The following RYK variants were observed in gnomAD, a reference collection of about 807,000 sequenced individuals.
The protein encoded by RYK is inactive tyrosine-protein kinase RYK.
A neutral mutation model predicts 70.2 loss-of-function variants in RYK; 21 were observed. The observed-to-expected ratio is 0.30, with a 90% confidence interval of 0.21 to 0.43. The LOEUF (loss-of-function observed/expected upper bound fraction) is 0.43. Ranked by LOEUF, RYK falls within the 20% of genes least tolerant of loss-of-function variation. The pLI, the probability that RYK is intolerant of heterozygous loss-of-function variation, is 1.00. For synonymous variants in RYK, 267 were observed against 278.0 expected, an observed-to-expected ratio of 0.96 and a Z score of 0.39; for missense variants, 604 against 753.3, an observed-to-expected ratio of 0.80 and a Z score of 2.32.
intron 5 of RYK, among the ~76,000 whole-genome samples, chr3:134,204,163 T>G (rs573114913): frequency 1.7e-4 from 26 of 152,292 alleles, no homozygotes; most frequent in Admixed American, 7.2e-4. Context: ...AAGGCTCTAT[T>G]CATTAAATAA....
At chr3:134,250,108 A>G (rs1331440803) in intron 1 of RYK, among the ~76,000 whole-genome samples, 3 of 152,070 alleles carry the variant, frequency 2.0e-5, no homozygotes, top group African/African-American at 7.2e-5. Context: ...AAGGAAAAAA[A>G]GTTGTAAGGG....
intron 13 of RYK, among the ~76,000 whole-genome samples, chr3:134,169,636 A>G (rs894217551): frequency 6.6e-6 from 1 of 152,226 alleles, no homozygotes; most frequent in Non-Finnish European, 1.5e-5. Context: ...AAAATTCTGA[A>G]AACACAGCCC....
chr3:134,199,068 T>C (rs1035627514), intron 6 of RYK, among the ~76,000 whole-genome samples: 1 of 152,106 alleles, frequency 6.6e-6, no homozygotes, highest in Admixed American at 6.5e-5. Flanking sequence ...TCAGGGTGAA[T>C]GTAAAGAGAA....
At chr3:134,169,104 G>A (rs76893428) in intron 13 of RYK, among the ~76,000 whole-genome samples, 13,609 of 152,200 alleles carry the variant, frequency 0.089, 1,244 homozygotes, top group South Asian at 0.32. Context: ...CCTAAAAACT[G>A]TTCAAATACT....
intron 7 of RYK, among the ~76,000 whole-genome samples, chr3:134,193,055 T>C (rs2013695255): frequency 6.6e-6 from 1 of 152,214 alleles, no homozygotes; most frequent in Admixed American, 6.5e-5. Flanking sequence ...TTAAAAAGTG[T>C]TTGTTTTCAG....
intron 1 of RYK, among the ~76,000 whole-genome samples, chr3:134,233,940 C>T (rs566593451): frequency 3.0e-4 from 46 of 152,190 alleles, no homozygotes; most frequent in Admixed American, 7.8e-4. Context: ...ATTCAATAAA[C>T]ATCCGGTGAA....
chr3:134,185,904 C>CA (rs1275957584), intron 9 of RYK, among the ~76,000 whole-genome samples: 1 of 152,102 alleles, frequency 6.6e-6, no homozygotes, highest in East Asian at 1.9e-4. Flanking sequence ...TAAGAAAACT[C>CA]AATTAAAGAT....
chr3:134,185,918 A>G (rs187040185), intron 9 of RYK, among the ~76,000 whole-genome samples: 3 of 152,332 alleles, frequency 2.0e-5, no homozygotes, highest in Admixed American at 6.5e-5. Context: ...TAAAGATAAA[A>G]TAACTTTATC....
chr3:134,250,404 C>A lies in RYK; in HGVS notation c.232+19G>T, dbSNP rs1471118362. 1.5e-6 allele frequency: 2 copies of A among 1,367,468 alleles called. No individual in the cohort carries two copies. The highest frequency in any genetic ancestry group is 3.0e-5 in the African/African-American group (2 of 66,182). 84.7% of individuals were successfully genotyped at this position (1,367,468 alleles called of 1,614,324 possible). The stretch of plus-strand genomic sequence containing the variant: ...AGCCGGCCCGACCTGCCCGCCCCGG[C>A]CTCGGCGGCCCCACTCACCGATCAG... On this transcript the variant is annotated intron_variant, in intron 1 of 14. Coordinates refer to ENST00000623711, the MANE Select transcript of RYK (RefSeq NM_002958.4).
At chr3:134,244,837 G>T (rs929039272) in intron 1 of RYK, among the ~76,000 whole-genome samples, 2 of 152,170 alleles carry the variant, frequency 1.3e-5, no homozygotes, top group Non-Finnish European at 2.9e-5. Context: ...AGCAGGTAGG[G>T]CCCTTTGGGA....
chr3:134,215,121 A>G (rs897610218), intron 2 of RYK, among the ~76,000 whole-genome samples: 2 of 152,214 alleles, frequency 1.3e-5, no homozygotes, highest in African/African-American at 2.4e-5. Flanking sequence ...TGTCTCCTTT[A>G]TTCTAGGTCT....
Position 134,175,626 on chromosome 3 carries a change from A to T in RYK, c.1558T>A (p.Ser520Thr). The T allele has an allele frequency of 6.2e-7, 1 of 1,613,892 alleles. No individual in the cohort carries two copies. Among genetic ancestry groups the T allele is most frequent in the South Asian group, 1.1e-5 (1 of 91,080 alleles). The change falls in exon 13 of 15, where the codon TCT (serine) becomes ACT (threonine). Residue 520 changes from serine to threonine, a missense_variant. Physicochemically the swap from Ser to Thr is moderately conservative, Grantham distance 58. Around this residue, in one of 2 missense-constraint regions of RYK, gnomAD observed 138 missense variants for 217.4 expected, o/e 0.63. Coordinates refer to ENST00000623711, the MANE Select transcript of RYK (RefSeq NM_002958.4). ...ALESLVNNEF[S>T]SASDVWAFGV... Reference sequence around the variant, plus strand: ...GCACTTACCACATCACTAGCGCTAGAGAACTCGTTATTAACCAGACTTTCA... The same window carrying T: ...GCACTTACCACATCACTAGCGCTAGTGAACTCGTTATTAACCAGACTTTCA...
chr3:134,241,643 T>C (rs1205282280), intron 1 of RYK, among the ~76,000 whole-genome samples: 1 of 152,156 alleles, frequency 6.6e-6, no homozygotes, highest in Non-Finnish European at 1.5e-5. Flanking sequence ...TCAGGGTAGG[T>C]CAAGGAATCT....
At chr3:134,220,565 C>A (rs76965526) in intron 2 of RYK, among the ~76,000 whole-genome samples, 3,576 of 152,172 alleles carry the variant, frequency 0.023, 135 homozygotes, top group African/African-American at 0.081. Flanking sequence ...ATTGGCCTAG[C>A]CACTTGACTT....
intron 13 of RYK, among the ~76,000 whole-genome samples, chr3:134,160,803 C>T (rs60564425): frequency 0.1 from 15,712 of 152,086 alleles, 1,605 homozygotes; most frequent in South Asian, 0.32. Context: ...TGCGGTGAGC[C>T]GAGATCGCGC....
chr3:134,226,356 A>G (rs748516658), intron 1 of RYK, among the ~76,000 whole-genome samples: 3 of 152,160 alleles, frequency 2.0e-5, no homozygotes, highest in Non-Finnish European at 2.9e-5. Flanking sequence ...TTCAATTAAA[A>G]ACCTATCCCA....
At chr3:134,241,903 TA>T (rs2015335546) in intron 1 of RYK, among the ~76,000 whole-genome samples, 1 of 152,148 alleles carries the variant, frequency 6.6e-6, no homozygotes, top group South Asian at 2.1e-4. Flanking sequence ...ATATGTAAAG[TA>T]CCTGGCATAC....
In RYK at chr3:134,183,067, T is replaced by C. The variant is rs764949700; in HGVS notation, c.1107A>G (p.Gln369=). The change falls in exon 10 of 15, where the codon CAA becomes CAG. Residue 369 remains glutamine (Q), a synonymous_variant. Coordinates refer to ENST00000623711, the MANE Select transcript of RYK (RefSeq NM_002958.4). ...KQAFVKTVKD[Q]ASEIQVTMML... ...TCATTGTCACCTGAATTTCAGAAGCTTGATCTATATATAAAGAAAAGAAAA... is the reference window on the plus strand; with the variant it reads ...TCATTGTCACCTGAATTTCAGAAGCCTGATCTATATATAAAGAAAAGAAAA... 1 of 1,571,978 alleles carries C rather than the reference T, an allele frequency of 6.4e-7. No homozygotes were observed. The highest frequency in any genetic ancestry group is 8.7e-7 in the Non-Finnish European group (1 of 1,155,322).
intron 1 of RYK, among the ~76,000 whole-genome samples, chr3:134,230,317 G>A (rs930022527): frequency 6.6e-6 from 1 of 152,186 alleles, no homozygotes; most frequent in African/African-American, 2.4e-5. Flanking sequence ...CTGACCTCAA[G>A]TGATCCATCC....
Sources: gnomAD v4.1 joint callset for allele counts (sites outside exome capture counted in the v4.1 genomes callset) on GRCh38, gnomAD v4.1.1 for gene constraint, gnomAD v4.1.1 regional missense constraint, MANE v1.5 for transcripts, NCBI Gene and HGNC (gene_info 2026-07-23, HGNC 2026-07-21) for gene names.